The following SDK1 variants were observed in gnomAD, a reference collection of about 807,000 sequenced individuals.
The protein encoded by SDK1 is protein sidekick-1.
SDK1 carries 157 observed loss-of-function variants against 245.5 expected under a neutral mutation model. The ratio of observed to expected loss-of-function variants is 0.64; its 90% CI spans 0.56 to 0.73. The LOEUF (loss-of-function observed/expected upper bound fraction) is 0.73. SDK1 is among the 30% of genes least tolerant of loss of function. SDK1 has a pLI of 0.00. For synonymous variants in SDK1, 1,647 were observed against 1,278.5 expected (o/e 1.29, Z -6.15); for missense variants, 3,583 against 3,002.3 (o/e 1.19, Z -4.52).
chr7:3,757,675 C>G (rs1316711419), intron 4 of SDK1, among the ~76,000 whole-genome samples: 1 of 152,204 alleles, frequency 6.6e-6, no homozygotes, highest in Non-Finnish European at 1.5e-5. Flanking sequence ...GGTGCCCCGT[C>G]CTCCCAGTAC....
intron 19 of SDK1, among the ~76,000 whole-genome samples, chr7:4,061,295 G>C (rs2128170905): frequency 6.6e-6 from 1 of 152,108 alleles, no homozygotes; most frequent in Non-Finnish European, 1.5e-5. Flanking sequence ...TCTTCCATTT[G>C]TTTGTATCCT....
At chr7:3,452,716 C>T (rs1364439988) in intron 1 of SDK1, among the ~76,000 whole-genome samples, 2 of 152,206 alleles carry the variant, frequency 1.3e-5, no homozygotes, top group African/African-American at 4.8e-5. Context: ...TATACATAGT[C>T]ATTGACTTTG....
intron 4 of SDK1, among the ~76,000 whole-genome samples, chr7:3,747,835 C>T (rs1779669758): frequency 6.6e-6 from 1 of 152,008 alleles, no homozygotes; most frequent in Non-Finnish European, 1.5e-5. Flanking sequence ...AGACCCTGTA[C>T]AGGGAGGCTG....
At chr7:3,387,025 A>G (rs1301601496) in intron 1 of SDK1, among the ~76,000 whole-genome samples, 2 of 152,144 alleles carry the variant, frequency 1.3e-5, no homozygotes, top group Admixed American at 6.5e-5. Context: ...GGTTGCTTGC[A>G]TGTAAGTGGC....
In SDK1 at chr7:3,578,510, G is replaced by C. The variant is rs1780375094; in HGVS notation, c.299-40570G>C. ...GTCTGACCTCAAATTTACTAGTACAGGGTTTCCCAATCCTGGTAAGCCTGA... is the reference window on the plus strand; with the variant it reads ...GTCTGACCTCAAATTTACTAGTACACGGTTTCCCAATCCTGGTAAGCCTGA... On this transcript the variant is annotated intron_variant, in intron 1 of 44. Transcript: ENST00000404826. Among the ~76,000 whole-genome samples the C allele has an allele frequency of 2.6e-5, 4 of 151,988 alleles. No homozygotes were observed. The South Asian group carries it at 8.3e-4, about 32-fold the overall frequency.
intron 5 of SDK1, among the ~76,000 whole-genome samples, chr7:3,827,965 G>A (rs895260578): frequency 3.3e-5 from 5 of 152,178 alleles, no homozygotes; most frequent in South Asian, 4.1e-4. Flanking sequence ...AACAAAGCAC[G>A]TCTGTCCTAA....
intron 4 of SDK1, among the ~76,000 whole-genome samples, chr7:3,758,911 C>T (rs1780015847): frequency 6.6e-6 from 1 of 152,272 alleles, no homozygotes; most frequent in East Asian, 1.9e-4. Context: ...TTAAAAATAA[C>T]CGTGAGTTTC....
chr7:4,221,124 G>T (rs1003803656), intron 39 of SDK1, 115 bp from the exon 40 acceptor site: 19 of 1,294,886 alleles, frequency 1.5e-5, no homozygotes, highest in Non-Finnish European at 1.9e-5. Flanking sequence ...TAAGTAACCT[G>T]CCCAGACACT....
At chr7:4,127,009 C>T (rs750435378) in intron 25 of SDK1, among the ~76,000 whole-genome samples, 2 of 152,132 alleles carry the variant, frequency 1.3e-5, no homozygotes, top group Non-Finnish European at 2.9e-5. Flanking sequence ...TTCTCCTGTC[C>T]CTATCACAGA....
At chr7:3,570,473 G>C (rs1780076124) in intron 1 of SDK1, among the ~76,000 whole-genome samples, 1 of 152,124 alleles carries the variant, frequency 6.6e-6, no homozygotes, top group Non-Finnish European at 1.5e-5. Flanking sequence ...CCCGTCCACA[G>C]CCCGGAGTTG....
chr7:3,967,963 G>T (rs1562589346), intron 10 of SDK1, among the ~76,000 whole-genome samples: 1 of 152,222 alleles, frequency 6.6e-6, no homozygotes, highest in African/African-American at 2.4e-5. Context: ...CTTCTAGAAA[G>T]GGAAACACAC....
chr7:4,216,203 A>G (rs1784785009), intron 38 of SDK1, among the ~76,000 whole-genome samples: 1 of 152,066 alleles, frequency 6.6e-6, no homozygotes, highest in African/African-American at 2.4e-5. Context: ...AAGGACGACA[A>G]CGCCACACGA....
chr7:3,871,666 C>T (rs6963674), intron 5 of SDK1, among the ~76,000 whole-genome samples: 15 of 151,936 alleles, frequency 9.9e-5, no homozygotes, highest in Admixed American at 3.3e-4. Context: ...AAGCAAGTAG[C>T]GGGGAGGCGC....
intron 8 of SDK1, 132 bp from the exon 9 acceptor site, chr7:3,962,525 G>A: frequency 1.3e-6 from 1 of 742,510 alleles, no homozygotes; most frequent in Non-Finnish European, 2.2e-6. Flanking sequence ...CTCCTTATAG[G>A]GTGGTTGAAA....
intron 1 of SDK1, among the ~76,000 whole-genome samples, chr7:3,418,141 AAATG>A (rs1291872680): frequency 5.1e-5 from 5 of 97,150 alleles, no homozygotes; most frequent in Admixed American, 3.5e-4. Flanking sequence ...TCTCTACTAA[AAATG>A]AAAAAAAAAA....
intron 1 of SDK1, among the ~76,000 whole-genome samples, chr7:3,432,790 T>C (rs1300577587): frequency 3.9e-5 from 6 of 152,190 alleles, no homozygotes; most frequent in African/African-American, 1.4e-4. Flanking sequence ...TCCACAAATA[T>C]GGCAACAAAA....
In SDK1 at chr7:3,347,954, G is replaced by A. The variant is rs1036136357; in HGVS notation, c.298+46070G>A. 2.0e-5 allele frequency among the ~76,000 whole-genome samples: 3 copies of A among 151,768 alleles called. No homozygotes were observed. The East Asian group carries it at 5.8e-4, about 29-fold the overall frequency. ...AAATAAGTGGAGGTTCACTTTAAGT[G>A]TAAGTATTTTGCTTCCTAAGTACTT... On this transcript the variant is annotated intron_variant, in intron 1 of 44. Transcript: ENST00000404826.
intron 4 of SDK1, among the ~76,000 whole-genome samples, chr7:3,775,430 TA>T (rs1462282726): frequency 3.3e-5 from 5 of 151,904 alleles, no homozygotes; most frequent in Non-Finnish European, 5.9e-5. Context: ...TTTTTTATTT[TA>T]TTTTTTTTTT....
At chr7:4,023,698 G>A (rs887704810) in intron 17 of SDK1, among the ~76,000 whole-genome samples, 9 of 152,142 alleles carry the variant, frequency 5.9e-5, no homozygotes, top group Non-Finnish European at 1.3e-4. Context: ...GTGTAGCTTG[G>A]GAGGGAGAGT....
Sources: allele counts gnomAD v4.1 joint callset (sites outside exome capture counted in the v4.1 genomes callset), GRCh38; gene constraint gnomAD v4.1.1; transcripts MANE v1.5; gene names NCBI Gene and HGNC (gene_info 2026-07-23, HGNC 2026-07-21).